PDE11A: variants seen among roughly 807,000 people sequenced by gnomAD.
The protein encoded by PDE11A is phosphodiesterase 11A, also known as dual 3',5'-cyclic-AMP and -GMP phosphodiesterase 11A.
In PDE11A, 100 loss-of-function variants were observed where a neutral mutation model predicts 100.5. That is an observed-to-expected ratio of 1.00 (90% CI 0.85 to 1.18). PDE11A has a LOEUF of 1.18. PDE11A is among the 50% of genes most tolerant of loss of function. The pLI is 0.00. For missense variants in PDE11A, 1,141 were observed against 1,152.6 expected, an observed-to-expected ratio of 0.99 and a Z score of 0.15; for synonymous variants, 381 against 420.8, an observed-to-expected ratio of 0.91 and a Z score of 1.16.
intron 10 of PDE11A, among the ~76,000 whole-genome samples, chr2:177,768,738 G>T (rs1017514748): frequency 1.3e-5 from 2 of 152,198 alleles, no homozygotes; most frequent in African/African-American, 4.8e-5. Context: ...AGTGAAGCAT[G>T]GTGGTTAAGA....
At chr2:177,884,528 A>T (rs1035026900) in intron 4 of PDE11A, among the ~76,000 whole-genome samples, 22 of 152,176 alleles carry the variant, frequency 1.4e-4, no homozygotes, top group Non-Finnish European at 2.9e-5. Flanking sequence ...TAGGCTGACC[A>T]TGGGGAGGTG....
At chr2:177,749,388 CT>C (rs1322597855) in intron 10 of PDE11A, among the ~76,000 whole-genome samples, 3 of 152,092 alleles carry the variant, frequency 2.0e-5, no homozygotes, top group African/African-American at 7.2e-5. Flanking sequence ...TATTCTAACT[CT>C]TTTTTGTTGT....
At chr2:178,080,882 C>A (rs1240786349) in intron 2 of PDE11A, among the ~76,000 whole-genome samples, 2 of 151,886 alleles carry the variant, frequency 1.3e-5, no homozygotes, top group Non-Finnish European at 2.9e-5. Context: ...AAATGACAGA[C>A]TAGAGCAAGG....
chr2:177,773,834 T>C (rs1434167327), intron 9 of PDE11A, among the ~76,000 whole-genome samples: 1 of 152,196 alleles, frequency 6.6e-6, no homozygotes, highest in Admixed American at 6.5e-5. Flanking sequence ...CTGGGCCCTA[T>C]TGCTAAACCA....
Position 177,875,931 on chromosome 2 carries a change from A to G in PDE11A, c.1303-8T>C. ...TTTGGTAAATTTCACCACCTGTCGC[A>G]TAGAAAGATAATAAATCCAGGTCAA... On this transcript the variant is annotated splice_region_variant and splice_polypyrimidine_tract_variant and intron_variant, in intron 4 of 19. Coordinates refer to ENST00000286063, the MANE Select transcript of PDE11A (RefSeq NM_016953.4). 2 of 1,571,984 alleles carry G rather than the reference A, an allele frequency of 1.3e-6. No individual in the cohort carries two copies. Among genetic ancestry groups the G allele is most frequent in the Non-Finnish European group, 1.8e-6 (2 of 1,141,518 alleles).
intron 10 of PDE11A, among the ~76,000 whole-genome samples, chr2:177,750,383 A>C (rs1405105900): frequency 2.6e-5 from 4 of 152,236 alleles, no homozygotes; most frequent in Admixed American, 1.3e-4. Context: ...TTCCTGAGAT[A>C]AGTCTTTATT....
intron 2 of PDE11A, among the ~76,000 whole-genome samples, chr2:177,980,842 T>G (rs1352911344): frequency 6.6e-6 from 1 of 150,528 alleles, no homozygotes; most frequent in Non-Finnish European, 1.5e-5. Flanking sequence ...GAGTCTTACT[T>G]GTGCCCTTGA....
intron 4 of PDE11A, among the ~76,000 whole-genome samples, chr2:177,891,054 C>A (rs2084521305): frequency 6.6e-6 from 1 of 152,134 alleles, no homozygotes; most frequent in Admixed American, 6.5e-5. Flanking sequence ...TATAGGAATG[C>A]AGTAAGTATC....
chr2:177,795,471 C>T (rs2082693349), intron 9 of PDE11A, among the ~76,000 whole-genome samples: 2 of 151,998 alleles, frequency 1.3e-5, no homozygotes, highest in South Asian at 4.1e-4. Context: ...GCTTAACTGC[C>T]ACAGAGTTTA....
intron 9 of PDE11A, among the ~76,000 whole-genome samples, chr2:177,770,451 T>C (rs1574124283): frequency 6.6e-6 from 1 of 152,256 alleles, no homozygotes; most frequent in East Asian, 1.9e-4. Flanking sequence ...AAAACCCCAA[T>C]TCGCAGGCTC....
intron 6 of PDE11A, among the ~76,000 whole-genome samples, chr2:177,829,435 GT>G (rs965341196): frequency 6.6e-5 from 10 of 151,134 alleles, no homozygotes; most frequent in African/African-American, 2.2e-4. Context: ...CTTTATTAGG[GT>G]ATGATAGGCA....
intron 12 of PDE11A, among the ~76,000 whole-genome samples, chr2:177,715,584 CT>C (rs2081426640): frequency 6.6e-6 from 1 of 151,296 alleles, no homozygotes; most frequent in South Asian, 2.1e-4. Flanking sequence ...CTCCTCTTTT[CT>C]GTTTCCTATA....
chr2:177,890,708 T>G (rs1178945676), intron 4 of PDE11A, among the ~76,000 whole-genome samples: 1 of 152,186 alleles, frequency 6.6e-6, no homozygotes, highest in Non-Finnish European at 1.5e-5. Flanking sequence ...TTTGTTCTCT[T>G]GCTAAGAGGT....
At chr2:177,964,008 G>GT (rs1442132514) in intron 2 of PDE11A, among the ~76,000 whole-genome samples, 1 of 152,130 alleles carries the variant, frequency 6.6e-6, no homozygotes, top group Non-Finnish European at 1.5e-5. Flanking sequence ...ACAATGCCTG[G>GT]TATAGAGAAG....
chr2:177,718,963 G>A (rs369987998), intron 12 of PDE11A, among the ~76,000 whole-genome samples: 5 of 152,126 alleles, frequency 3.3e-5, no homozygotes, highest in South Asian at 2.1e-4. Context: ...GAAGACAGCC[G>A]CCCCTTGCTG....
At chr2:178,075,081 T>C (rs1043543169), upstream of PDE11A, among the ~76,000 whole-genome samples, 5 of 152,078 alleles carry the variant, frequency 3.3e-5, no homozygotes, top group Admixed American at 6.5e-5. Context: ...AGGAACAAAT[T>C]ACAAAGGTGG....
chr2:177,875,707 T>C, intron 5 of PDE11A, 152 bp downstream of exon 5: 1 of 677,922 alleles, frequency 1.5e-6, no homozygotes. Context: ...TAAGATATAG[T>C]TTTAATTTAA....
chr2:177,783,993 G>A (rs1468906892), intron 9 of PDE11A, among the ~76,000 whole-genome samples: 1 of 152,038 alleles, frequency 6.6e-6, no homozygotes, highest in African/African-American at 2.4e-5. Flanking sequence ...GAAGGACTGA[G>A]TCCCTATAAA....
chr2:177,648,933 C>G (rs2080263785), intron 19 of PDE11A, among the ~76,000 whole-genome samples: 1 of 151,836 alleles, frequency 6.6e-6, no homozygotes, highest in Non-Finnish European at 1.5e-5. Context: ...GAAAATAGCC[C>G]TAGTTCAATA....
Sources: allele counts gnomAD v4.1 joint callset (sites outside exome capture counted in the v4.1 genomes callset), GRCh38; gene constraint gnomAD v4.1.1; transcripts MANE v1.5; gene names NCBI Gene and HGNC (gene_info 2026-07-23, HGNC 2026-07-21).